Variants in TMEM272 observed in about 807,000 individuals in gnomAD.
TMEM272 encodes transmembrane protein 272.
A neutral mutation model predicts 3.7 loss-of-function variants in TMEM272; 8 were observed. The observed-to-expected ratio is 2.17, with a 90% confidence interval of 1.27 to 3.91. TMEM272 has a LOEUF of 3.91. Ranked by LOEUF, TMEM272 falls within the 30% of genes most tolerant of loss-of-function variation. The probability of loss-of-function intolerance (pLI) is 0.00; values close to 1 mark genes in which losing one functional copy is unlikely to be tolerated. For synonymous variants in TMEM272, 63 were observed against 39.8 expected (o/e 1.58, Z -2.20); for missense variants, 166 against 91.5 (o/e 1.81, Z -3.32).
the TMEM272 span, among the ~76,000 whole-genome samples, chr13:51,891,655 T>C: frequency 3.3e-5 from 5 of 152,294 alleles, no homozygotes; most frequent in East Asian, 3.9e-4. Context: ...CTCAGTGACA[T>C]GACATCTGCA....
At chr13:51,924,001 T>C in the TMEM272 span, among the ~76,000 whole-genome samples, 1 of 152,140 alleles carries the variant, frequency 6.6e-6, no homozygotes, top group African/African-American at 2.4e-5. Context: ...GAGTTAATAA[T>C]AAGCATCAGG....
chr13:51,901,984 A>G, the TMEM272 span, among the ~76,000 whole-genome samples: 2 of 152,310 alleles, frequency 1.3e-5, no homozygotes, highest in Middle Eastern at 3.4e-3. Flanking sequence ...AGTTTCAAGG[A>G]GGAGGAGCTT....
intron 1 of TMEM272, among the ~76,000 whole-genome samples, chr13:51,841,840 TA>T (rs1566355830): frequency 6.6e-6 from 1 of 152,074 alleles, no homozygotes; most frequent in Non-Finnish European, 1.5e-5. Context: ...GGATGAGAAC[TA>T]AAAAAAGAAT....
In TMEM272 at chr13:51,816,706, CAT is replaced by C; in HGVS notation, c.*43_*44del. ...CTGTGTGTCTGTGTGCACGCGCGTG[CAT>C]GCACACGCATATGCATACATGGTAT... On this transcript the variant is annotated 3_prime_UTR_variant, in exon 5 of 5. Coordinates refer to ENST00000629372, the MANE Select transcript of TMEM272 (RefSeq NM_001351003.2). The C allele has an allele frequency of 1.5e-6, 1 of 660,538 alleles. No homozygotes were observed. Among genetic ancestry groups the C allele is most frequent in the Admixed American group, 2.1e-5 (1 of 47,578 alleles). The allele number at this position is 660,538 out of a possible 1,614,324, so 40.9% of individuals were successfully genotyped here. A position where few individuals can be genotyped will look rare whatever the true frequency, so the allele number is the denominator to read the frequency against.
the TMEM272 span, among the ~76,000 whole-genome samples, chr13:51,880,617 A>C: frequency 6.6e-6 from 1 of 152,202 alleles, no homozygotes; most frequent in African/African-American, 2.4e-5. Flanking sequence ...GGTAAAATAA[A>C]ATAAAAAAAT....
the TMEM272 span, chr13:51,932,409 G>A: frequency 6.6e-6 from 1 of 152,284 alleles, no homozygotes; most frequent in African/African-American, 2.4e-5. Context: ...GATCCAGCGG[G>A]GCAGGGACTT....
At chr13:51,911,123 T>A in the TMEM272 span, among the ~76,000 whole-genome samples, 1 of 152,234 alleles carries the variant, frequency 6.6e-6, no homozygotes. Flanking sequence ...TTTCAGTATC[T>A]GTTGCCTGAA....
chr13:51,918,896 C>T, the TMEM272 span, among the ~76,000 whole-genome samples: 9 of 150,204 alleles, frequency 6.0e-5, no homozygotes, highest in African/African-American at 2.0e-4. Flanking sequence ...GATCCACTCA[C>T]CTTGGCCTCC....
the TMEM272 span, among the ~76,000 whole-genome samples, chr13:51,922,169 A>T: frequency 1.3e-5 from 2 of 152,346 alleles, no homozygotes; most frequent in East Asian, 3.9e-4. Context: ...ATCGCTTGAA[A>T]AAAGGTTTCA....
rs113330148 is a variant in TMEM272, at chr13:51,839,775, G to A, written c.-23-1222C>T. Among the ~76,000 whole-genome samples, 1,237 of 152,314 alleles carry A rather than the reference G, an allele frequency of 8.1e-3. 8 individuals carry two copies. The highest frequency in any genetic ancestry group is 0.025 in the East Asian group (128 of 5,172). ...GCAGGCAAGTCACTCCACCGCCAGC[G>A]TCAGCATGGGCCTGCAGGCAGGAGC... On this transcript the variant is annotated intron_variant, in intron 1 of 4. Transcript: ENST00000629372.
At chr13:51,926,925 A>G in the TMEM272 span, among the ~76,000 whole-genome samples, 1 of 152,170 alleles carries the variant, frequency 6.6e-6, no homozygotes, top group Non-Finnish European at 1.5e-5. Context: ...TATATAAAAC[A>G]CTGTTATTCA....
chr13:51,865,199 G>T, the TMEM272 span: 1 of 539,360 alleles, frequency 1.9e-6, no homozygotes, highest in Non-Finnish European at 3.2e-6. Flanking sequence ...TTCTACCAAA[G>T]CTTGTCCCTC....
intron 2 of TMEM272, among the ~76,000 whole-genome samples, chr13:51,829,787 G>T (rs547383667): frequency 1.3e-5 from 2 of 152,310 alleles, no homozygotes; most frequent in African/African-American, 4.8e-5. Flanking sequence ...CTACTGAAGG[G>T]TGGCAGAATA....
the TMEM272 span, among the ~76,000 whole-genome samples, chr13:51,892,697 T>C: frequency 6.6e-6 from 1 of 152,156 alleles, no homozygotes; most frequent in Non-Finnish European, 1.5e-5. Context: ...TTCCCCATGA[T>C]GGCCTTTCCC....
chr13:51,884,098 C>T, the TMEM272 span, among the ~76,000 whole-genome samples: 3 of 152,146 alleles, frequency 2.0e-5, no homozygotes, highest in Non-Finnish European at 4.4e-5. Context: ...ATTTATTGAC[C>T]AGTGTTCATG....
At chr13:51,901,782 G>A in the TMEM272 span, among the ~76,000 whole-genome samples, 5 of 151,958 alleles carry the variant, frequency 3.3e-5, no homozygotes, top group Non-Finnish European at 7.4e-5. Flanking sequence ...CCACAAACAC[G>A]TAGCCTCCTC....
chr13:51,894,786 T>C, the TMEM272 span, among the ~76,000 whole-genome samples: 1 of 152,090 alleles, frequency 6.6e-6, no homozygotes, highest in Non-Finnish European at 1.5e-5. Flanking sequence ...GTGCATTACA[T>C]TTAGTGTGCA....
chr13:51,850,940 G>A, the TMEM272 span, among the ~76,000 whole-genome samples: 2 of 152,146 alleles, frequency 1.3e-5, no homozygotes, highest in African/African-American at 4.8e-5. Context: ...AATATATCCC[G>A]CTAAGGAGGG....
chr13:51,930,764 C>A, the TMEM272 span, among the ~76,000 whole-genome samples: 875 of 148,958 alleles, frequency 5.9e-3, 9 homozygotes, highest in African/African-American at 0.02. Context: ...AAAAAAAAAA[C>A]CCCTGCAATT....
Sources: allele counts gnomAD v4.1 joint callset (sites outside exome capture counted in the v4.1 genomes callset), GRCh38; gene constraint gnomAD v4.1.1; transcripts MANE v1.5; gene names NCBI Gene and HGNC (gene_info 2026-07-23, HGNC 2026-07-21).